Variants in DTNA observed in about 807,000 individuals in gnomAD.
The protein encoded by DTNA is dystrophin-related protein 3.
DTNA carries 43 observed loss-of-function variants against 100.7 expected under a neutral mutation model. That is an observed-to-expected ratio of 0.43 (90% CI 0.33 to 0.55). The LOEUF (loss-of-function observed/expected upper bound fraction) is 0.55. DTNA is among the 20% of genes least tolerant of loss of function. The pLI, the probability that DTNA is intolerant of heterozygous loss-of-function variation, is 0.04. For synonymous variants in DTNA, 349 were observed against 347.9 expected (o/e 1.00, Z -0.04); for missense variants, 798 against 953.9 (o/e 0.84, Z 2.15).
intron 19 of DTNA, 31 bp from the exon 20 acceptor site, chr18:34,879,520 C>A (rs774184238): frequency 1.9e-6 from 3 of 1,612,524 alleles, no homozygotes; most frequent in South Asian, 2.2e-5. Context: ...TCTAACGAGT[C>A]ATTCTTTATT....
At chr18:34,776,107 T>C (rs2094032545) in intron 3 of DTNA, among the ~76,000 whole-genome samples, 1 of 152,208 alleles carries the variant, frequency 6.6e-6, no homozygotes, top group African/African-American at 2.4e-5. Context: ...GAGTGGACAC[T>C]TTGTTTTACA....
intron 1 of DTNA, among the ~76,000 whole-genome samples, chr18:34,525,936 C>G (rs1458763815): frequency 1.3e-5 from 2 of 152,130 alleles, no homozygotes; most frequent in Non-Finnish European, 2.9e-5. Context: ...GCTCAAGTCC[C>G]CTGTTGCCTA....
At chr18:34,656,036 TTC>T (rs1380808521) in intron 1 of DTNA, among the ~76,000 whole-genome samples, 2 of 152,230 alleles carry the variant, frequency 1.3e-5, no homozygotes, top group Non-Finnish European at 1.5e-5. Flanking sequence ...TGTCAACTGC[TTC>T]TCTTGCTGCA....
chr18:34,688,766 C>A (rs1166471055), intron 1 of DTNA, among the ~76,000 whole-genome samples: 1 of 152,180 alleles, frequency 6.6e-6, no homozygotes, highest in East Asian at 1.9e-4. Context: ...CTCCCCATCA[C>A]TTTCAGGTAC....
rs9952711 is a variant in DTNA, at chr18:34,806,376, T to C, written c.448+72T>C. The stretch of plus-strand genomic sequence containing the variant: ...ACCACCCTTTTCTCTCCCTCATTCC[T>C]CTATGTCCCCTCCCCATTTGTATCT... On this transcript the variant is annotated intron_variant, in intron 5 of 22. Transcript: ENST00000444659. 0.12 allele frequency: 151,016 copies of C among 1,237,902 alleles called. 11,639 individuals carry two copies. The highest frequency in any genetic ancestry group is 0.35 in the African/African-American group (23,545 of 67,350). 76.7% of individuals were successfully genotyped at this position (1,237,902 alleles called of 1,614,324 possible).
chr18:34,749,862 C>G (rs547117351), intron 1 of DTNA, among the ~76,000 whole-genome samples: 1 of 151,962 alleles, frequency 6.6e-6, no homozygotes, highest in Admixed American at 6.6e-5. Flanking sequence ...GCTCTGAATA[C>G]TTTTTTATTA....
chr18:34,884,595 G>A (rs1202165483), intron 21 of DTNA, 133 bp from the exon 22 acceptor site: 5 of 988,610 alleles, frequency 5.1e-6, no homozygotes, highest in South Asian at 3.8e-5. Flanking sequence ...GGATTGGAAC[G>A]CTACTCTCAC....
rs1233019159 is a variant in DTNA, at chr18:34,888,478, G to C, written c.*744G>C. 2 of 985,462 alleles carry C rather than the reference G, an allele frequency of 2.0e-6. No homozygotes were observed. The highest frequency in any genetic ancestry group is 3.5e-5 in the African/African-American group (2 of 57,140). The allele number at this position is 985,462 out of a possible 1,614,324, so 61.0% of individuals were successfully genotyped here. A position where few individuals can be genotyped will look rare whatever the true frequency, so the allele number is the denominator to read the frequency against. Reference sequence around the variant, plus strand: ...TCTTTGGGGCCTCTTTCCAACTCGAGGTTGTTTTCTTTCAAGATACTCTAA... The same window carrying C: ...TCTTTGGGGCCTCTTTCCAACTCGACGTTGTTTTCTTTCAAGATACTCTAA... On this transcript the variant is annotated 3_prime_UTR_variant, in exon 23 of 23. Transcript: ENST00000444659.
At position 34,888,792 on chromosome 18, in the gene DTNA, T is replaced by C. The variant is rs1191735520; in HGVS notation, c.*1058T>C. On this transcript the variant is annotated 3_prime_UTR_variant, in exon 23 of 23. Transcript: ENST00000444659. ...CACCGCTCGTTCACAAGTTCCCCCA[T>C]CAAGTTGTTTGGAGGCCTTCAGCTT... 2.0e-6 allele frequency: 2 copies of C among 985,770 alleles called. No homozygotes were observed. The highest frequency in any genetic ancestry group is 3.5e-5 in the African/African-American group (2 of 57,240). 61.1% of individuals were successfully genotyped at this position (985,770 alleles called of 1,614,324 possible).
chr18:34,719,643 AATTATC>A (rs2084842285), intron 1 of DTNA, among the ~76,000 whole-genome samples: 1 of 152,200 alleles, frequency 6.6e-6, no homozygotes, highest in Admixed American at 6.5e-5. Context: ...AAATGTTAGC[AATTATC>A]ATTATGTAAT....
chr18:34,762,688 A>T (rs1279072377), intron 2 of DTNA, among the ~76,000 whole-genome samples: 1 of 152,168 alleles, frequency 6.6e-6, no homozygotes, highest in African/African-American at 2.4e-5. Context: ...CAGCTAACAC[A>T]TACATTGATT....
intron 1 of DTNA, among the ~76,000 whole-genome samples, chr18:34,518,164 C>T (rs374599337): frequency 7.2e-5 from 11 of 152,218 alleles, no homozygotes; most frequent in African/African-American, 2.2e-4. Flanking sequence ...TTTTACTAAG[C>T]GTTTCCTTAA....
chr18:34,644,264 T>C (rs1335789223), intron 1 of DTNA, among the ~76,000 whole-genome samples: 8 of 152,254 alleles, frequency 5.3e-5, no homozygotes, highest in Non-Finnish European at 1.0e-4. Flanking sequence ...GCCACAAAAC[T>C]GAATAATTCA....
At chr18:34,860,621 A>G (rs986069973) in intron 16 of DTNA, among the ~76,000 whole-genome samples, 1 of 152,188 alleles carries the variant, frequency 6.6e-6, no homozygotes, top group Non-Finnish European at 1.5e-5. Flanking sequence ...AGACACTTTA[A>G]CACCTGAGCA....
intron 1 of DTNA, among the ~76,000 whole-genome samples, chr18:34,506,360 T>C (rs535304682): frequency 1.3e-5 from 2 of 152,200 alleles, no homozygotes; most frequent in East Asian, 3.9e-4. Flanking sequence ...GGGGGGGTCT[T>C]TATTACCACT....
chr18:34,764,167 C>T (rs1282962887), intron 2 of DTNA, among the ~76,000 whole-genome samples: 1 of 152,014 alleles, frequency 6.6e-6, no homozygotes, highest in Non-Finnish European at 1.5e-5. Context: ...CACATGAAGC[C>T]TCTTAAGGGG....
At chr18:34,580,514 G>C (rs2048512079) in intron 1 of DTNA, among the ~76,000 whole-genome samples, 1 of 152,140 alleles carries the variant, frequency 6.6e-6, no homozygotes, top group Non-Finnish European at 1.5e-5. Context: ...AATATGATTA[G>C]ATATGAATGT....
intron 13 of DTNA, among the ~76,000 whole-genome samples, chr18:34,847,678 C>T (rs935472589): frequency 3.3e-5 from 5 of 152,148 alleles, no homozygotes; most frequent in African/African-American, 1.2e-4. Context: ...GACCTGACAG[C>T]TATTTTCCCA....
At position 34,838,085 on chromosome 18, in the gene DTNA, A is replaced by T. The variant is rs548540619; in HGVS notation, c.1176-9A>T. The T allele has an allele frequency of 6.2e-7, 1 of 1,613,658 alleles. No homozygotes were observed. Among genetic ancestry groups the T allele is most frequent in the African/African-American group, 1.3e-5 (1 of 75,024 alleles). ...ACGCTCTTCTTGGCTTTCCCATCTTATTAACTAGCTCTCCTCCCAAGGACA... is the reference window on the plus strand; with the variant it reads ...ACGCTCTTCTTGGCTTTCCCATCTTTTTAACTAGCTCTCCTCCCAAGGACA... On this transcript the variant is annotated splice_polypyrimidine_tract_variant and intron_variant, in intron 11 of 22. Transcript: ENST00000444659.
Sources: gnomAD v4.1 joint callset for allele counts (sites outside exome capture counted in the v4.1 genomes callset) on GRCh38, gnomAD v4.1.1 for gene constraint, MANE v1.5 for transcripts, NCBI Gene and HGNC (gene_info 2026-07-23, HGNC 2026-07-21) for gene names.